The following TNXB variants were observed in gnomAD, a reference collection of about 807,000 sequenced individuals.
TNXB encodes tenascin-X.
Under a neutral mutation model 340.5 loss-of-function variants are expected in TNXB, and 183 were observed. The ratio of observed to expected loss-of-function variants is 0.54; its 90% confidence interval spans 0.48 to 0.61. The LOEUF is 0.61. Ranked by LOEUF, TNXB falls within the 20% of genes least tolerant of loss-of-function variation. The pLI is 0.00. For synonymous variants in TNXB, 2,121 were observed against 2,314.5 expected, an observed-to-expected ratio of 0.92 and a Z score of 2.40; for missense variants, 4,613 against 5,446.4, an observed-to-expected ratio of 0.85 and a Z score of 4.82.
At chr6:32,078,930 G>C (rs1779267881) in intron 11 of TNXB, 103 bp downstream of exon 11, 1 of 1,259,930 alleles carries the variant, frequency 7.9e-7, no homozygotes, top group African/African-American at 1.5e-5. Flanking sequence ...TCCCCTGGCA[G>C]GCAGCCTCAA....
intron 1 of TNXB, among the ~76,000 whole-genome samples, chr6:32,098,456 TTTTTG>T (rs60265005): frequency 0.012 from 1,811 of 151,786 alleles, 20 homozygotes; most frequent in Middle Eastern, 0.082. Flanking sequence ...TACACTGGTT[TTTTTG>T]TTTTGTTTTG....
At position 32,068,916 on chromosome 6, in the gene TNXB, G is replaced by A; in HGVS notation, c.5808C>T (p.Leu1936=). The A allele has an allele frequency of 1.2e-6, 2 of 1,612,896 alleles. No individual in the cohort carries two copies. The highest frequency in any genetic ancestry group is 1.7e-6 in the Non-Finnish European group (2 of 1,179,870). The change falls in exon 16 of 44, where the codon CTC becomes CTT. Residue 1936 remains leucine, a synonymous_variant. Transcript: ENST00000644971. The surrounding 1 kb of genome is among the most constrained non-coding windows in gnomAD (Gnocchi z 5.3). ...RIGGDRNDIT[L]SGLESDHRYL... ...ATCTGTGGTCGGATTCCAGGCCAGA[G>A]AGGGTGATGTCATTCCGGTCACCTC...
Position 32,087,914 on chromosome 6 carries a change from G to T in TNXB, c.2779+871C>A. The T allele has an allele frequency of 2.9e-6, 1 of 343,300 alleles. No individual in the cohort carries two copies. The highest frequency in any genetic ancestry group is 5.6e-6 in the Non-Finnish European group (1 of 178,172). 21.3% of individuals were successfully genotyped at this position (343,300 alleles called of 1,614,324 possible). Reference sequence around the variant, plus strand: ...GGCCAAGGGGGCCGTGGGGGCCGCGGGGCTGGGGCTGGCCGGGGCCGGGAC... The same window carrying T: ...GGCCAAGGGGGCCGTGGGGGCCGCGTGGCTGGGGCTGGCCGGGGCCGGGAC... On this transcript the variant is annotated intron_variant, in intron 6 of 43. Transcript: ENST00000644971. The surrounding 1 kb of genome is among the most constrained non-coding windows in gnomAD (Gnocchi z 9.0).
rs751561444 is a variant in TNXB, at chr6:32,065,094, C to T, written c.6568G>A (p.Ala2190Thr). The T allele has an allele frequency of 1.3e-6, 2 of 1,585,268 alleles. No individual in the cohort carries two copies. Among genetic ancestry groups the T allele is most frequent in the Non-Finnish European group, 1.7e-6 (2 of 1,165,188 alleles). ...CCTAGGCGCAGCTTTGCAAGAGGAG[C>T]ATCAGGGGACTCCTCTTCGGGGGCT... is the stretch of plus-strand genomic sequence containing the variant. ...VTAPEEESPD[A>T]PLAKLRLGQM... Residue 2190 changes from alanine (A) to threonine (T), a missense_variant, in exon 19 of 44, where the codon GCT (alanine) becomes ACT (threonine). Around this residue, in one of 7 missense-constraint regions of TNXB, gnomAD observed 4,327 missense variants for 4,859.4 expected, o/e 0.89. Coordinates refer to ENST00000644971, the MANE Select transcript of TNXB (RefSeq NM_001365276.2).
At chr6:32,045,968 T>C in intron 31 of TNXB, 1 of 1,306,604 alleles carries the variant, frequency 7.7e-7, no homozygotes, top group Admixed American at 3.2e-5. Flanking sequence ...TCCCAGGGCC[T>C]TTCCCTCCCG....
At position 32,069,004 on chromosome 6, in the gene TNXB, T is replaced by C. The variant is rs1458470526; in HGVS notation, c.5720A>G (p.Glu1907Gly). 6.2e-7 allele frequency: 1 copy of C among 1,612,606 alleles called. No homozygotes were observed. The highest frequency in any genetic ancestry group is 2.2e-5 in the East Asian group (1 of 44,876). The change falls in exon 16 of 44, where the codon GAA (glutamate) becomes GGA (glycine). Residue 1907 changes from glutamate to glycine, a missense_variant. By Grantham distance (98) the Glu-to-Gly change is moderately conservative. Coordinates refer to ENST00000644971, the MANE Select transcript of TNXB (RefSeq NM_001365276.2). The surrounding 1 kb of genome is among the most constrained non-coding windows in gnomAD (Gnocchi z 6.2). Reference protein sequence around the residue: ...LHLSWMVTEGEFDSFEIQYTD... With the variant: ...LHLSWMVTEGGFDSFEIQYTD... ...GTACTGGATTTCGAAGGAGTCAAAT[T>C]CTCCCTCAGTCACCATCCAGGAGAG...
rs1256264999 is a variant in TNXB at position 32,055,961 on chromosome 6, T to C, written c.8357A>G (p.Glu2786Gly). Residue 2786 changes from glutamate (E) to glycine (G), a missense_variant, in exon 24 of 44, where the codon GAG becomes GGG. Glu to Gly is a moderately conservative substitution (Grantham distance 98). Transcript: ENST00000644971. ...CAGGCCCCCCACGGTGACCTCGCTC[T>C]CCTCGCCCCTGACACGCATCACCTG... The part of the protein sequence containing the change: ...RPQVMRVRGE[E>G]SEVTVGGLEP... The C allele has an allele frequency of 5.0e-6, 8 of 1,613,378 alleles. No homozygotes were observed. Among genetic ancestry groups the C allele is most frequent in the Non-Finnish European group, 5.1e-6 (6 of 1,179,880 alleles).
At position 32,062,567 on chromosome 6, in the gene TNXB, A is replaced by C; in HGVS notation, c.6842-84T>G. 1 of 1,308,902 alleles carries C rather than the reference A, an allele frequency of 7.6e-7. No individual in the cohort carries two copies. Among genetic ancestry groups the C allele is most frequent in the Non-Finnish European group, 1.0e-6 (1 of 969,494 alleles). The allele number at this position is 1,308,902 out of a possible 1,614,324, so 81.1% of individuals were successfully genotyped here. ...CTCTGGGATTCTCTTAGACACACCA[A>C]GGGCCCACAGTCTGGATGCTGGTGC... is the stretch of plus-strand genomic sequence containing the variant. On this transcript the variant is annotated intron_variant, in intron 19 of 43. Transcript: ENST00000644971. This position sits in a 1 kb window ranked among gnomAD's most constrained non-coding sequence, Gnocchi z 4.3.
chr6:32,101,077 C>CAAAA lies in TNXB; in HGVS notation c.-8-2875_-8-2872dup, dbSNP rs35800696. Among the ~76,000 whole-genome samples the CAAAA allele has an allele frequency of 8.3e-3, 388 of 46,794 alleles. 8 individuals are homozygous for CAAAA. The highest frequency in any genetic ancestry group is 0.021 in the African/African-American group (231 of 10,856). The allele number at this position is 46,794 out of a possible 152,430, so 30.7% of individuals were successfully genotyped here. ...TGAGAGGAAGAGTGAAACTCCATCT[C>CAAAA]AAAAAAAAAAAAAAAAAAAAAAAAA... On this transcript the variant is annotated intron_variant, in intron 1 of 43. Transcript: ENST00000644971.
In TNXB at chr6:32,082,052, C is replaced by A; in HGVS notation, c.3720G>T (p.Thr1240=). The A allele has an allele frequency of 1.2e-6, 2 of 1,605,346 alleles. No individual in the cohort carries two copies. Among genetic ancestry groups the A allele is most frequent in the South Asian group, 1.1e-5 (1 of 89,706 alleles). Residue 1240 remains threonine, a synonymous_variant, in exon 9 of 44, where the codon ACG becomes ACT. Transcript: ENST00000644971. This position sits in a 1 kb window ranked among gnomAD's most constrained non-coding sequence, Gnocchi z 5.0. ...GCTACTCACCAGTGGTGCCATCGGC[C>A]GTGAGGGGGCCATACCGCTTCTTGT... ...IANKKRYGPL[T]ADGTTAPERK... is the part of the protein sequence containing the mutation.
chr6:32,048,140 A>C, intron 29 of TNXB, 128 bp from the exon 30 acceptor site: 6 of 1,255,708 alleles, frequency 4.8e-6, no homozygotes, highest in Non-Finnish European at 6.6e-6. Flanking sequence ...AGTAGGAATA[A>C]AAGAGGAGCC....
chr6:32,084,358 T>C lies in TNXB; in HGVS notation c.3445+55A>G. ...CTCCCAAAGCAGGTTCCCAAAGCAC[T>C]GAGAAAACCTCTTCAGGGCAGTACA... On this transcript the variant is annotated intron_variant, in intron 8 of 43. Coordinates refer to ENST00000644971, the MANE Select transcript of TNXB (RefSeq NM_001365276.2). The surrounding 1 kb of genome is among the most constrained non-coding windows in gnomAD (Gnocchi z 5.5). 6.7e-7 allele frequency: 1 copy of C among 1,484,918 alleles called. No homozygotes were observed. The highest frequency in any genetic ancestry group is 9.0e-7 in the Non-Finnish European group (1 of 1,111,918). 92.0% of individuals were successfully genotyped at this position (1,484,918 alleles called of 1,614,324 possible).
chr6:32,047,839 C>T lies in TNXB; in HGVS notation c.10219G>A (p.Glu3407Lys). ...GGCTCCAGGCCCTGGACTGTGACCT[C>T]CCGCTGGTTGGCTGCCACCGGCACC... Reference protein sequence around the residue: ...QVVPVAANQREVTVQGLEPSR... With the variant: ...QVVPVAANQRKVTVQGLEPSR... The change falls in exon 30 of 44, where the codon GAG becomes AAG. Residue 3407 changes from glutamate to lysine, a missense_variant. Coordinates refer to ENST00000644971, the MANE Select transcript of TNXB (RefSeq NM_001365276.2). The surrounding 1 kb of genome is among the most constrained non-coding windows in gnomAD (Gnocchi z 6.2). 2 of 1,612,056 alleles carry T rather than the reference C, an allele frequency of 1.2e-6. No homozygotes were observed. The highest frequency in any genetic ancestry group is 1.7e-6 in the Non-Finnish European group (2 of 1,179,502).
At position 32,042,606 on chromosome 6, in the gene TNXB, C is replaced by T; in HGVS notation, c.12059G>A (p.Gly4020Asp). 6.4e-7 allele frequency: 1 copy of T among 1,561,946 alleles called. No individual in the cohort carries two copies. Among genetic ancestry groups the T allele is most frequent in the Non-Finnish European group, 8.7e-7 (1 of 1,151,260 alleles). The change falls in exon 40 of 44, where the codon GGT (glycine) becomes GAT (aspartate). Residue 4020 changes from glycine to aspartate, a missense_variant and splice_region_variant. Physicochemically the swap from Gly to Asp is moderately conservative, Grantham distance 94. Transcript: ENST00000644971. The part of the protein sequence containing the change: ...LPPVSTSFTT[G>D]GLRIPFPRDC... ...CCTGGGGAAGGGGATCCGCAGCCCA[C>T]CTGGGAGAGGAGAGCAGGGGCCAGT... is the stretch of plus-strand genomic sequence containing the variant.
At chr6:32,086,147 G>T in intron 6 of TNXB, 29 bp from the exon 7 acceptor site, 2 of 1,465,260 alleles carry the variant, frequency 1.4e-6, no homozygotes, top group Non-Finnish European at 1.8e-6. Context: ...AGAAAAAGAG[G>T]AGAGTCCAGT....
Position 32,042,497 on chromosome 6 carries a change from C to G in TNXB, c.12168G>C (p.Leu4056=), listed in dbSNP as rs767740137. The part of the protein sequence containing the change: ...IFLNGNRERP[L]NVFCDMETDG... ...CAGTCTCCATGTCGCAAAACACGTT[C>G]AGGGGCCGCTCGCGGTTGCCGTTGA... is the stretch of plus-strand genomic sequence containing the variant. Residue 4056 remains leucine (L), a synonymous_variant, in exon 40 of 44, where the codon CTG becomes CTC. Coordinates refer to ENST00000644971, the MANE Select transcript of TNXB (RefSeq NM_001365276.2). 6.1e-5 allele frequency: 98 copies of G among 1,612,672 alleles called. No homozygotes were observed. The highest frequency in any genetic ancestry group is 7.5e-5 in the Non-Finnish European group (89 of 1,180,006).
rs554232637 is a variant in TNXB at position 32,052,645 on chromosome 6, C to T, written c.9115+25G>A. On this transcript the variant is annotated intron_variant, in intron 26 of 43. Transcript: ENST00000644971. The surrounding 1 kb of genome is among the most constrained non-coding windows in gnomAD (Gnocchi z 4.7). ...GTGTCTTCCAGGGCCATCTTCCCCA[C>T]CTCGCCTCACTCACACTTACTCACC... 1 of 1,605,266 alleles carries T rather than the reference C, an allele frequency of 6.2e-7. No homozygotes were observed. Among genetic ancestry groups the T allele is most frequent in the Admixed American group, 1.7e-5 (1 of 59,828 alleles).
Position 32,053,459 on chromosome 6 carries a change from TTG to T in TNXB, c.8718_8719del (p.His2906GlnfsTer45). 2 of 1,613,326 alleles carry T rather than the reference TTG, an allele frequency of 1.2e-6. No homozygotes were observed. Among genetic ancestry groups the T allele is most frequent in the Non-Finnish European group, 1.7e-6 (2 of 1,179,886 alleles). On this transcript the variant is annotated frameshift_variant, in exon 25 of 44. Transcript: ENST00000644971. LOFTEE classifies it high-confidence loss of function. Reference sequence around the variant, plus strand: ...GAAGCCGTACAGGTTCATCTTGTACTTGTGGTCTGGCTCCAGGCCTGAGATGG... The same window carrying T: ...GAAGCCGTACAGGTTCATCTTGTACTTGGTCTGGCTCCAGGCCTGAGATGG...
rs1779508775 is a variant in TNXB, at chr6:32,082,231, C to T, written c.3541G>A (p.Val1181Ile). Reference sequence around the variant, plus strand: ...AAGGTGTCAAACTGGCCCTCAGGGACAGTCCAGGAGAGGTGCAGTGAATCT... The same window carrying T: ...AAGGTGTCAAACTGGCCCTCAGGGATAGTCCAGGAGAGGTGCAGTGAATCT... ...TPDSLHLSWTVPEGQFDTFMV... is the reference protein window; with the variant it reads ...TPDSLHLSWTIPEGQFDTFMV... The change falls in exon 9 of 44, where the codon GTC (valine) becomes ATC (isoleucine). Residue 1181 changes from valine (V) to isoleucine (I), a missense_variant. By Grantham distance (29) the Val-to-Ile change is conservative. Around this residue, in one of 7 missense-constraint regions of TNXB, gnomAD observed 4,327 missense variants for 4,859.4 expected, o/e 0.89. Coordinates refer to ENST00000644971, the MANE Select transcript of TNXB (RefSeq NM_001365276.2). The surrounding 1 kb of genome is among the most constrained non-coding windows in gnomAD (Gnocchi z 5.0). 6.2e-7 allele frequency: 1 copy of T among 1,612,234 alleles called. No individual in the cohort carries two copies. The highest frequency in any genetic ancestry group is 1.1e-5 in the South Asian group (1 of 90,956).
Sources: allele counts gnomAD v4.1 joint callset (sites outside exome capture counted in the v4.1 genomes callset), GRCh38; gene constraint gnomAD v4.1.1; regional missense constraint gnomAD v4.1.1; non-coding constraint Gnocchi (gnomAD v3.1); transcripts MANE v1.5; gene names NCBI Gene and HGNC (gene_info 2026-07-23, HGNC 2026-07-21).